The following RNF217 variants were observed in gnomAD, a reference collection of about 807,000 sequenced individuals.
RNF217 encodes ring finger protein 217.
Under a neutral mutation model 57.8 loss-of-function variants are expected in RNF217, and 31 were observed. The observed-to-expected ratio is 0.54, with a 90% CI of 0.40 to 0.72. RNF217 has a LOEUF of 0.72. Among genes scored for constraint, RNF217 ranks in the 30% least tolerant of loss-of-function variants. RNF217 has a pLI of 0.00. For synonymous variants in RNF217, 313 were observed against 294.0 expected (o/e 1.06, Z -0.66); for missense variants, 696 against 708.3 (o/e 0.98, Z 0.20).
Position 124,962,717 on chromosome 6 carries a change from A to T in RNF217, c.173A>T (p.Asp58Val). 1 of 1,513,378 alleles carries T rather than the reference A, an allele frequency of 6.6e-7. No homozygotes were observed. The highest frequency in any genetic ancestry group is 8.7e-7 in the Non-Finnish European group (1 of 1,143,146). 93.7% of individuals were successfully genotyped at this position (1,513,378 alleles called of 1,614,324 possible). The change falls in exon 1 of 6, where the codon GAC becomes GTC. Residue 58 changes from aspartate to valine, a missense_variant. Coordinates refer to ENST00000521654, the MANE Select transcript of RNF217 (RefSeq NM_001286398.3). The surrounding 1 kb of genome is among the most constrained non-coding windows in gnomAD (Gnocchi z 4.6). Reference protein sequence around the residue: ...AEPSGGGCGSDWGCADTSAPE... With the variant: ...AEPSGGGCGSVWGCADTSAPE... ...CCGAGCGGCGGTGGCTGCGGAAGCG[A>T]CTGGGGCTGCGCGGACACCAGCGCC...
At chr6:124,996,995 C>G (rs994595794) in intron 1 of RNF217, among the ~76,000 whole-genome samples, 2 of 152,176 alleles carry the variant, frequency 1.3e-5, no homozygotes, top group African/African-American at 4.8e-5. Context: ...CCTCTTCACA[C>G]AGACTTGTTT....
chr6:124,963,550 T>A, intron 1 of RNF217, 124 bp downstream of exon 1: 1 of 1,160,440 alleles, frequency 8.6e-7, no homozygotes, highest in East Asian at 2.7e-5. Context: ...GGATCTCTGT[T>A]AGTTTCTCAC....
intron 2 of RNF217, chr6:125,048,277 T>G (rs1303611773): frequency 7.5e-7 from 1 of 1,329,700 alleles, no homozygotes; most frequent in Non-Finnish European, 1.0e-6. Flanking sequence ...TTTTTTATTT[T>G]GCAGTATTTT....
chr6:124,962,467 C>T lies in RNF217; in HGVS notation c.-78C>T. 1.6e-6 allele frequency: 1 copy of T among 610,922 alleles called. No homozygotes were observed. Among genetic ancestry groups the T allele is most frequent in the Admixed American group, 5.2e-5 (1 of 19,134 alleles). 37.8% of individuals were successfully genotyped at this position (610,922 alleles called of 1,614,324 possible). ...CGGAGCCGCGAGTCGAGCCGAGCCA[C>T]TGCCCCCGCTGCCCGCGGGCGCCGG... On this transcript the variant is annotated 5_prime_UTR_variant, in exon 1 of 6. Coordinates refer to ENST00000521654, the MANE Select transcript of RNF217 (RefSeq NM_001286398.3). The surrounding 1 kb of genome is among the most constrained non-coding windows in gnomAD (Gnocchi z 4.6).
intron 1 of RNF217, among the ~76,000 whole-genome samples, chr6:124,970,469 T>C (rs1402470630): frequency 1.3e-5 from 2 of 152,148 alleles, no homozygotes; most frequent in Non-Finnish European, 2.9e-5. Context: ...ATTAGAAAAC[T>C]GGGGTTGCCG....
At chr6:125,007,657 CA>C (rs1295914092) in intron 1 of RNF217, among the ~76,000 whole-genome samples, 2 of 152,156 alleles carry the variant, frequency 1.3e-5, no homozygotes, top group African/African-American at 2.4e-5. Flanking sequence ...ATGCTTCTAA[CA>C]TGTTTTCTTG....
At chr6:124,989,158 T>A (rs892027252) in intron 1 of RNF217, among the ~76,000 whole-genome samples, 1 of 152,012 alleles carries the variant, frequency 6.6e-6, no homozygotes, top group Admixed American at 6.6e-5. Context: ...AATTTTTTTT[T>A]AATTTACTAT....
rs1004632369 is a variant in RNF217, at chr6:124,998,617, A to G, written c.882+35191A>G. Among the ~76,000 whole-genome samples, 7 of 152,114 alleles carry G rather than the reference A, an allele frequency of 4.6e-5. No homozygotes were observed. The South Asian group carries it at 1.4e-3, about 31-fold the overall frequency. ...GATCAAGACCATCCTGGCCAACATG[A>G]TGAAACCCCATCTCTAACTAAAAAT... is the stretch of plus-strand genomic sequence containing the variant. On this transcript the variant is annotated intron_variant, in intron 1 of 5. Transcript: ENST00000521654.
chr6:124,986,588 G>A (rs1784369335), intron 1 of RNF217, among the ~76,000 whole-genome samples: 1 of 152,048 alleles, frequency 6.6e-6, no homozygotes, highest in Non-Finnish European at 1.5e-5. Flanking sequence ...ACCAATAATT[G>A]GTGCAATAGC....
At chr6:125,018,543 G>A (rs1464615493) in intron 1 of RNF217, among the ~76,000 whole-genome samples, 1 of 151,988 alleles carries the variant, frequency 6.6e-6, no homozygotes, top group Non-Finnish European at 1.5e-5. Flanking sequence ...GAGAGAAAAG[G>A]AAAAGCCAAC....
In RNF217 at chr6:125,089,375, T is replaced by C. The variant is rs1788867520; in HGVS notation, c.*6438T>C. 1 of 152,260 alleles carries C rather than the reference T, an allele frequency of 6.6e-6. No homozygotes were observed. Among genetic ancestry groups the C allele is most frequent in the South Asian group, 2.1e-4 (1 of 4,830 alleles). 9.4% of individuals were successfully genotyped at this position (152,260 alleles called of 1,614,324 possible). ...CATCCAAAAAGGGTTATAGGTATGG[T>C]TTATGGTCTTTGTTTCAGCAAAACG... On this transcript the variant is annotated 3_prime_UTR_variant, in exon 6 of 6. Coordinates refer to ENST00000521654, the MANE Select transcript of RNF217 (RefSeq NM_001286398.3).
chr6:125,081,609 AT>A, intron 5 of RNF217, 102 bp downstream of exon 5: 1 of 934,056 alleles, frequency 1.1e-6, no homozygotes, highest in African/African-American at 1.7e-5. Context: ...AGTGGACATA[AT>A]TTATGTTGTA....
In RNF217 at chr6:125,008,371, T is replaced by C. The variant is rs1422204443; in HGVS notation, c.883-36840T>C. Among the ~76,000 whole-genome samples the C allele has an allele frequency of 2.0e-5, 3 of 152,230 alleles. No individual in the cohort carries two copies. The East Asian group carries it at 5.8e-4, about 29-fold the overall frequency. ...AGTGAAATCATGGAAAGCAAAACCA[T>C]AGATGAAGTGGGACTTCTGTACTTA... On this transcript the variant is annotated intron_variant, in intron 1 of 5. Coordinates refer to ENST00000521654, the MANE Select transcript of RNF217 (RefSeq NM_001286398.3).
chr6:125,047,134 G>A (rs11754154), intron 2 of RNF217, among the ~76,000 whole-genome samples: 47,726 of 151,794 alleles, frequency 0.31, 8,330 homozygotes, highest in East Asian at 0.4. Context: ...CCATAAATTA[G>A]GATATTCAAT....
chr6:124,978,461 A>G (rs913086470), intron 1 of RNF217, among the ~76,000 whole-genome samples: 1 of 149,792 alleles, frequency 6.7e-6, no homozygotes, highest in East Asian at 1.9e-4. Flanking sequence ...GTGGTGCCTG[A>G]TAACTCAGAG....
At chr6:125,007,777 C>T (rs1319217408) in intron 1 of RNF217, among the ~76,000 whole-genome samples, 1 of 152,096 alleles carries the variant, frequency 6.6e-6, no homozygotes, top group African/African-American at 2.4e-5. Context: ...ACAGTAGTAC[C>T]TTTTATGTAG....
chr6:124,981,739 C>T (rs1287177630), intron 1 of RNF217, among the ~76,000 whole-genome samples: 1 of 151,882 alleles, frequency 6.6e-6, no homozygotes, highest in African/African-American at 2.4e-5. Flanking sequence ...AAGATCTTGG[C>T]CGAGGGCGGT....
At chr6:125,052,595 A>G (rs1386733710) in intron 2 of RNF217, among the ~76,000 whole-genome samples, 3 of 152,064 alleles carry the variant, frequency 2.0e-5, no homozygotes, top group Non-Finnish European at 4.4e-5. Context: ...ATGTTTTCCC[A>G]TATGGAGAAT....
chr6:125,003,919 G>T (rs1406380212), intron 1 of RNF217, among the ~76,000 whole-genome samples: 1 of 152,104 alleles, frequency 6.6e-6, no homozygotes, highest in East Asian at 1.9e-4. Flanking sequence ...GCCTATTATG[G>T]GAACTCAGAA....
Sources: gnomAD v4.1 joint callset for allele counts (sites outside exome capture counted in the v4.1 genomes callset) on GRCh38, gnomAD v4.1.1 for gene constraint, Gnocchi (gnomAD v3.1) non-coding constraint, MANE v1.5 for transcripts, NCBI Gene and HGNC (gene_info 2026-07-23, HGNC 2026-07-21) for gene names.